Variants in MARCHF3 observed in about 807,000 individuals in gnomAD.
MARCHF3 encodes E3 ubiquitin-protein ligase MARCHF3.
In MARCHF3, 13 loss-of-function variants were observed where a neutral mutation model predicts 24.2. That is an observed-to-expected ratio of 0.54 (90% CI 0.35 to 0.85). The LOEUF is 0.85. Among genes scored for constraint, MARCHF3 ranks in the 40% least tolerant of loss-of-function variants. The pLI is 0.01. For missense variants in MARCHF3, 276 were observed against 325.0 expected, an observed-to-expected ratio of 0.85 and a Z score of 1.16; for synonymous variants, 144 against 137.3, an observed-to-expected ratio of 1.05 and a Z score of -0.34.
Position 126,955,852 on chromosome 5 carries a change from C to T in MARCHF3, c.-56-37625G>A, listed in dbSNP as rs1750420479. Among the ~76,000 whole-genome samples the T allele has an allele frequency of 3.3e-5, 5 of 151,964 alleles. No individual in the cohort carries two copies. In the South Asian group the frequency reaches 8.3e-4, roughly 25 times the overall value. On this transcript the variant is annotated intron_variant, in intron 1 of 4. Coordinates refer to ENST00000308660, the MANE Select transcript of MARCHF3 (RefSeq NM_178450.5). ...TTATGAATTGTCCTTTTTTGTGTAC[C>T]GACTGAGAAATAATCTCTTCCCCAC...
intron 3 of MARCHF3, among the ~76,000 whole-genome samples, chr5:126,895,484 G>A (rs1753852236): frequency 6.6e-6 from 1 of 152,082 alleles, no homozygotes; most frequent in Non-Finnish European, 1.5e-5. Flanking sequence ...GTACAGATGG[G>A]TTTTTGGTGT....
intron 1 of MARCHF3, among the ~76,000 whole-genome samples, chr5:126,938,467 CTGT>C (rs1034643655): frequency 4.6e-5 from 7 of 151,186 alleles, no homozygotes; most frequent in Non-Finnish European, 7.4e-5. Context: ...TGTGCCTGGC[CTGT>C]TGATCTGATT....
intron 1 of MARCHF3, among the ~76,000 whole-genome samples, chr5:126,946,750 G>A (rs554052387): frequency 2.0e-5 from 3 of 150,298 alleles, no homozygotes; most frequent in South Asian, 4.3e-4. Context: ...AGAGGGACTC[G>A]TGTAAGTAGG....
At chr5:126,988,502 A>G (rs1751641807) in intron 1 of MARCHF3, among the ~76,000 whole-genome samples, 1 of 152,224 alleles carries the variant, frequency 6.6e-6, no homozygotes, top group African/African-American at 2.4e-5. Context: ...TTCAGACCAC[A>G]TAAGAGAAGT....
At chr5:126,995,537 A>G (rs751895075) in intron 1 of MARCHF3, among the ~76,000 whole-genome samples, 1 of 152,252 alleles carries the variant, frequency 6.6e-6, no homozygotes, top group African/African-American at 2.4e-5. Flanking sequence ...ACTGAACATA[A>G]TACAGAAAAA....
chr5:126,991,801 A>G (rs1335671212), intron 1 of MARCHF3, among the ~76,000 whole-genome samples: 1 of 151,646 alleles, frequency 6.6e-6, no homozygotes, highest in African/African-American at 2.4e-5. Flanking sequence ...TTCTCACTGT[A>G]TTCTTTTCCT....
chr5:126,953,823 A>G (rs1232391540), intron 1 of MARCHF3, among the ~76,000 whole-genome samples: 1 of 152,114 alleles, frequency 6.6e-6, no homozygotes, highest in East Asian at 1.9e-4. Context: ...TGACGCTCTC[A>G]TTAATCAGAT....
At chr5:127,002,652 C>T (rs953079177) in intron 1 of MARCHF3, among the ~76,000 whole-genome samples, 1 of 152,208 alleles carries the variant, frequency 6.6e-6, no homozygotes, top group African/African-American at 2.4e-5. Context: ...AAGTTCACCA[C>T]ATCAGAGGAA....
Position 126,870,571 on chromosome 5 carries a change from C to T in MARCHF3, c.*62G>A, listed in dbSNP as rs1580581825. On this transcript the variant is annotated 3_prime_UTR_variant, in exon 5 of 5. Transcript: ENST00000308660. The stretch of plus-strand genomic sequence containing the variant: ...GCTTGGGGGTCGCTCAGTGCATGAC[C>T]CCAGTGCAGACACTTCCAAACCCCA... The T allele has an allele frequency of 3.9e-6, 6 of 1,540,312 alleles. No homozygotes were observed. In the East Asian group the frequency reaches 1.1e-4, roughly 29 times the overall value.
chr5:126,871,405 C>A (rs1452971863), intron 4 of MARCHF3, among the ~76,000 whole-genome samples: 1 of 152,224 alleles, frequency 6.6e-6, no homozygotes, highest in Non-Finnish European at 1.5e-5. Flanking sequence ...GCCACTAACT[C>A]CCCTGATAAA....
rs552625147 is a variant in MARCHF3 at position 126,937,978 on chromosome 5, G to A, written c.-56-19751C>T. On this transcript the variant is annotated intron_variant, in intron 1 of 4. Coordinates refer to ENST00000308660, the MANE Select transcript of MARCHF3 (RefSeq NM_178450.5). ...GATAAGACTCAAATTTTGAAACAAGGAGAATCCTGGTATTTAATGCTTGGG... is the reference window on the plus strand; with the variant it reads ...GATAAGACTCAAATTTTGAAACAAGAAGAATCCTGGTATTTAATGCTTGGG... 3.3e-5 allele frequency among the ~76,000 whole-genome samples: 5 copies of A among 152,220 alleles called. No homozygotes were observed. The East Asian group carries it at 5.8e-4, about 18-fold the overall frequency.
chr5:126,876,880 C>A (rs912318062), intron 4 of MARCHF3, among the ~76,000 whole-genome samples: 77 of 152,300 alleles, frequency 5.1e-4, no homozygotes, highest in African/African-American at 1.8e-3. Context: ...GAACTTCTGA[C>A]CTCAAGTGAT....
chr5:126,952,160 T>C (rs1750264367), intron 1 of MARCHF3, among the ~76,000 whole-genome samples: 1 of 152,178 alleles, frequency 6.6e-6, no homozygotes, highest in Admixed American at 6.5e-5. Flanking sequence ...AGTAGGGTTT[T>C]GAGTTTTGGT....
chr5:127,009,858 A>G (rs756902117), intron 1 of MARCHF3, among the ~76,000 whole-genome samples: 6 of 152,238 alleles, frequency 3.9e-5, no homozygotes, highest in Non-Finnish European at 8.8e-5. Flanking sequence ...CCAACTAGTA[A>G]CCTGGTGAGT....
rs1281750481 is a variant in MARCHF3, at chr5:127,025,322, AAAAG to A, written c.-57+5024_-57+5027del. Among the ~76,000 whole-genome samples the A allele has an allele frequency of 8.5e-3, 1,274 of 149,990 alleles. 18 individuals carry two copies. The highest frequency in any genetic ancestry group is 0.025 in the East Asian group (130 of 5,120). ...GAAAAAGTTATTAAAAAAAAAAAAAAAAAGAAAGAAACTAACCAGGGGAAGGCCT... is the reference window on the plus strand; with the variant it reads ...GAAAAAGTTATTAAAAAAAAAAAAAAAAAGAAACTAACCAGGGGAAGGCCT... On this transcript the variant is annotated intron_variant, in intron 1 of 4. Coordinates refer to ENST00000308660, the MANE Select transcript of MARCHF3 (RefSeq NM_178450.5).
At chr5:126,910,261 G>A (rs2126789274) in intron 3 of MARCHF3, among the ~76,000 whole-genome samples, 1 of 152,314 alleles carries the variant, frequency 6.6e-6, no homozygotes, top group East Asian at 1.9e-4. Flanking sequence ...ACATGTCTTA[G>A]GAGAGTCTCA....
intron 1 of MARCHF3, among the ~76,000 whole-genome samples, chr5:126,928,563 C>A (rs1290471796): frequency 3.3e-5 from 5 of 151,992 alleles, no homozygotes; most frequent in Non-Finnish European, 7.4e-5. Flanking sequence ...GCCATGGACC[C>A]CCCACTATTA....
At chr5:126,890,497 C>G (rs1285841594) in intron 3 of MARCHF3, among the ~76,000 whole-genome samples, 1 of 143,530 alleles carries the variant, frequency 7.0e-6, no homozygotes, top group East Asian at 2.0e-4. Context: ...TCCATGTGAT[C>G]TCATTGTTCA....
chr5:126,966,571 G>T (rs1260426183), intron 1 of MARCHF3, among the ~76,000 whole-genome samples: 7 of 151,842 alleles, frequency 4.6e-5, no homozygotes, highest in African/African-American at 1.7e-4. Flanking sequence ...AAGCTATTAA[G>T]GATTTTTAAA....
Sources: gnomAD v4.1 joint callset for allele counts (sites outside exome capture counted in the v4.1 genomes callset) on GRCh38, gnomAD v4.1.1 for gene constraint, MANE v1.5 for transcripts, NCBI Gene and HGNC (gene_info 2026-07-23, HGNC 2026-07-21) for gene names.